The following XPR1 variants were observed in gnomAD, a reference collection of about 807,000 sequenced individuals.
The protein encoded by XPR1 is xenotropic and polytropic retrovirus receptor 1.
In XPR1, 28 loss-of-function variants were observed where a neutral mutation model predicts 87.5. The observed-to-expected ratio is 0.32, with a 90% CI of 0.24 to 0.44. XPR1 has a LOEUF of 0.44. XPR1 is among the 20% of genes least tolerant of loss of function. The pLI is 1.00. For synonymous variants in XPR1, 300 were observed against 306.1 expected, an observed-to-expected ratio of 0.98 and a Z score of 0.21; for missense variants, 559 against 862.3, an observed-to-expected ratio of 0.65 and a Z score of 4.41.
intron 2 of XPR1, among the ~76,000 whole-genome samples, chr1:180,756,824 T>C (rs749505526): frequency 5.9e-5 from 9 of 152,208 alleles, no homozygotes; most frequent in Non-Finnish European, 1.3e-4. Flanking sequence ...CCATTTTGAA[T>C]TAATTTTCGC....
intron 2 of XPR1, among the ~76,000 whole-genome samples, chr1:180,688,832 G>A (rs1656877816): frequency 6.6e-6 from 1 of 151,954 alleles, no homozygotes; most frequent in Admixed American, 6.6e-5. Context: ...AATCTACGTG[G>A]GTAAATGCTC....
At chr1:180,678,361 T>C (rs1424580371) in intron 1 of XPR1, among the ~76,000 whole-genome samples, 3 of 152,238 alleles carry the variant, frequency 2.0e-5, no homozygotes, top group African/African-American at 4.8e-5. Flanking sequence ...CCAGCCACCA[T>C]GAAGCATCTA....
intron 2 of XPR1, among the ~76,000 whole-genome samples, chr1:180,733,140 G>A (rs562452428): frequency 3.7e-4 from 57 of 152,294 alleles, no homozygotes; most frequent in African/African-American, 1.2e-3. Context: ...TGCCTGCTAC[G>A]GTCTTAGGGG....
intron 1 of XPR1, among the ~76,000 whole-genome samples, chr1:180,652,287 C>CTA (rs1168954883): frequency 6.6e-6 from 1 of 151,786 alleles, no homozygotes; most frequent in African/African-American, 2.4e-5. Flanking sequence ...GAGCAAGACT[C>CTA]CATCTCAAAA....
intron 11 of XPR1, among the ~76,000 whole-genome samples, chr1:180,860,221 TGAA>T (rs1652176207): frequency 6.6e-6 from 1 of 152,050 alleles, no homozygotes; most frequent in African/African-American, 2.4e-5. Flanking sequence ...CAAATACTGT[TGAA>T]GAAGAGGAGG....
intron 3 of XPR1, among the ~76,000 whole-genome samples, chr1:180,798,493 C>G (rs981298782): frequency 6.6e-6 from 1 of 152,092 alleles, no homozygotes; most frequent in Non-Finnish European, 1.5e-5. Flanking sequence ...TCCCAAGACC[C>G]GTTCCATATT....
intron 2 of XPR1, among the ~76,000 whole-genome samples, chr1:180,771,831 A>G (rs956554720): frequency 1.3e-5 from 2 of 152,048 alleles, no homozygotes; most frequent in African/African-American, 4.8e-5. Flanking sequence ...TTTTATTGGT[A>G]GTATTAACCT....
At position 180,632,140 on chromosome 1, in the gene XPR1, C is replaced by A; in HGVS notation, c.-62C>A. ...GGCCCATGTGGGGAGGAGTCGGAGT[C>A]GCTGTTGCCGCCGCCGCCTGTAGCT... On this transcript the variant is annotated 5_prime_UTR_variant, in exon 1 of 15. Coordinates refer to ENST00000367590, the MANE Select transcript of XPR1 (RefSeq NM_004736.4). The A allele has an allele frequency of 1.3e-6, 2 of 1,558,566 alleles. No homozygotes were observed. The highest frequency in any genetic ancestry group is 1.7e-6 in the Non-Finnish European group (2 of 1,149,708).
chr1:180,773,665 A>T (rs889744421), intron 2 of XPR1, among the ~76,000 whole-genome samples: 2 of 152,198 alleles, frequency 1.3e-5, no homozygotes, highest in African/African-American at 4.8e-5. Flanking sequence ...TGAGTCAGTG[A>T]ATGTGTGTCA....
chr1:180,865,144 A>C (rs1652344728), intron 12 of XPR1, among the ~76,000 whole-genome samples: 1 of 152,210 alleles, frequency 6.6e-6, no homozygotes, highest in South Asian at 2.1e-4. Flanking sequence ...CTTCAGATGA[A>C]CAAATAAAGG....
At chr1:180,643,063 GGTGTGTAA>G (rs1354237418) in intron 1 of XPR1, among the ~76,000 whole-genome samples, 2 of 151,992 alleles carry the variant, frequency 1.3e-5, no homozygotes, top group African/African-American at 4.8e-5. Context: ...AAGACTGAAG[GGTGTGTAA>G]TACCATTCTA....
At chr1:180,742,929 A>G (rs759569844) in intron 2 of XPR1, among the ~76,000 whole-genome samples, 15 of 151,960 alleles carry the variant, frequency 9.9e-5, no homozygotes, top group Non-Finnish European at 2.2e-4. Context: ...GCTTACTTTG[A>G]TATTAATAGT....
chr1:180,842,100 A>G (rs2102178126), intron 11 of XPR1, among the ~76,000 whole-genome samples: 1 of 152,330 alleles, frequency 6.6e-6, no homozygotes, highest in Admixed American at 6.5e-5. Context: ...ATTCAATATG[A>G]TTAATTGGGT....
chr1:180,726,918 A>G (rs1044349065), intron 2 of XPR1, among the ~76,000 whole-genome samples: 2 of 147,876 alleles, frequency 1.4e-5, no homozygotes, highest in African/African-American at 5.0e-5. Flanking sequence ...TTTGGCGCCT[A>G]GGCTGGAGTG....
rs117702227 is a variant in XPR1, at chr1:180,863,160, C to T, written c.1502-548C>T. Among the ~76,000 whole-genome samples, 224 of 152,154 alleles carry T rather than the reference C, an allele frequency of 1.5e-3. 4 individuals carry two copies. The East Asian group carries it at 0.041, about 28-fold the overall frequency. ...GAGAGAAATTTGCTTTCATACATAT[C>T]CTTAAGGGTAAAATCCTTATCACTC... On this transcript the variant is annotated intron_variant, in intron 11 of 14. Transcript: ENST00000367590.
intron 11 of XPR1, among the ~76,000 whole-genome samples, chr1:180,862,515 G>A (rs1652256499): frequency 6.6e-6 from 1 of 151,986 alleles, no homozygotes; most frequent in South Asian, 2.1e-4. Flanking sequence ...CTCAAATGCT[G>A]CTTTCTCTTA....
rs71297873 is a variant in XPR1 at position 180,748,400 on chromosome 1, C to CTTTTTTTTTTTTTTTTTTTTT, written c.122-39338_122-39318dup. Among the ~76,000 whole-genome samples the CTTTTTTTTTTTTTTTTTTTTT allele has an allele frequency of 8.8e-4, 26 of 29,680 alleles. 7 individuals carry two copies. The East Asian group carries it at 9.5e-3, about 11-fold the overall frequency. The allele number at this position is 29,680 out of a possible 152,430, so 19.5% of individuals were successfully genotyped here. Reference sequence around the variant, plus strand: ...TGCTACTCTGTGTTATTATTTATGTCTTTTTTTTTTTTTTTTTTTTTTTTT... The same window carrying CTTTTTTTTTTTTTTTTTTTTT: ...TGCTACTCTGTGTTATTATTTATGTCTTTTTTTTTTTTTTTTTTTTTTTTTTTTTTTTTTTTTTTTTTTTTT... On this transcript the variant is annotated intron_variant, in intron 2 of 14. Coordinates refer to ENST00000367590, the MANE Select transcript of XPR1 (RefSeq NM_004736.4).
chr1:180,650,871 A>G (rs955298860), intron 1 of XPR1, among the ~76,000 whole-genome samples: 5 of 152,184 alleles, frequency 3.3e-5, no homozygotes, highest in African/African-American at 7.2e-5. Flanking sequence ...TGATAATTAG[A>G]TATAATATTT....
At chr1:180,696,465 C>G (rs1657179269) in intron 2 of XPR1, among the ~76,000 whole-genome samples, 1 of 151,784 alleles carries the variant, frequency 6.6e-6, no homozygotes, top group African/African-American at 2.4e-5. Context: ...TTATTTCTTT[C>G]TCTTGCCTGA....
Sources: gnomAD v4.1 joint callset for allele counts (sites outside exome capture counted in the v4.1 genomes callset) on GRCh38, gnomAD v4.1.1 for gene constraint, MANE v1.5 for transcripts, NCBI Gene and HGNC (gene_info 2026-07-23, HGNC 2026-07-21) for gene names.